The following MTCL2 variants were observed in gnomAD, a reference collection of about 807,000 sequenced individuals.
The protein encoded by MTCL2 is microtubule cross-linking factor 2.
At chr20:36,821,384 C>T in the MTCL2 span, among the ~76,000 whole-genome samples, 5 of 151,910 alleles carry the variant, frequency 3.3e-5, no homozygotes, top group African/African-American at 9.7e-5. Flanking sequence ...AAAAATTAGC[C>T]GGGCATGGTG....
At chr20:36,805,763 A>G in the MTCL2 span, 1 of 1,145,012 alleles carries the variant, frequency 8.7e-7, no homozygotes. Flanking sequence ...ATGTCCAGGA[A>G]TGGGGTCAGA....
chr20:36,796,416 T>C, the MTCL2 span, among the ~76,000 whole-genome samples: 3 of 152,176 alleles, frequency 2.0e-5, no homozygotes, highest in East Asian at 5.8e-4. Context: ...CCCTGACTCC[T>C]TTCATGGGTT....
At chr20:36,825,659 C>T in the MTCL2 span, among the ~76,000 whole-genome samples, 2,037 of 152,312 alleles carry the variant, frequency 0.013, 45 homozygotes, top group African/African-American at 0.047. Context: ...GACAGCACCA[C>T]CTCGGCAGCC....
chr20:36,818,944 T>C, the MTCL2 span, among the ~76,000 whole-genome samples: 1 of 152,346 alleles, frequency 6.6e-6, no homozygotes, highest in Non-Finnish European at 1.5e-5. Context: ...AGGCACATGA[T>C]GATATTCAAC....
the MTCL2 span, among the ~76,000 whole-genome samples, chr20:36,801,972 T>A: frequency 1.4e-5 from 2 of 146,958 alleles, no homozygotes; most frequent in African/African-American, 2.5e-5. Flanking sequence ...AAAGAAAAAA[T>A]AAATAAATAA....
the MTCL2 span, chr20:36,783,701 G>A: frequency 3.2e-6 from 3 of 936,330 alleles, no homozygotes; most frequent in Non-Finnish European, 3.8e-6. Flanking sequence ...CCCCACTGTG[G>A]GTCAGGCAGT....
At chr20:36,788,108 G>GGCGGTCT in the MTCL2 span, among the ~76,000 whole-genome samples, 3 of 150,210 alleles carry the variant, frequency 2.0e-5, no homozygotes, top group African/African-American at 7.4e-5. Flanking sequence ...GACCGAAGCA[G>GGCGGTCT]CAGAACGGCT....
the MTCL2 span, chr20:36,815,249 T>C: frequency 6.2e-7 from 1 of 1,614,028 alleles, no homozygotes; most frequent in Non-Finnish European, 8.5e-7. This position sits in a 1 kb window ranked among gnomAD's most constrained non-coding sequence, Gnocchi z 5.3. Flanking sequence ...GGACTGCATC[T>C]GCCTTCCGCG....
the MTCL2 span, among the ~76,000 whole-genome samples, chr20:36,801,042 T>C: frequency 1.3e-5 from 2 of 152,012 alleles, no homozygotes; most frequent in Admixed American, 6.6e-5. Flanking sequence ...AACTTGAACT[T>C]TTTTTTTCTT....
At chr20:36,857,343 C>T in the MTCL2 span, among the ~76,000 whole-genome samples, 2 of 151,886 alleles carry the variant, frequency 1.3e-5, no homozygotes, top group South Asian at 2.1e-4. Flanking sequence ...GTGATGTGTG[C>T]GTGTGATAGA....
the MTCL2 span, among the ~76,000 whole-genome samples, chr20:36,801,573 A>C: frequency 2.3e-4 from 35 of 151,746 alleles, no homozygotes; most frequent in African/African-American, 6.8e-4. Flanking sequence ...ACTTTTTTTC[A>C]TTAAAAAAAA....
the MTCL2 span, chr20:36,793,478 A>G: frequency 1.3e-6 from 2 of 1,551,494 alleles, no homozygotes; most frequent in Non-Finnish European, 1.7e-6. The surrounding 1 kb of genome is among the most constrained non-coding windows in gnomAD (Gnocchi z 6.8). Flanking sequence ...CCGGCCACAC[A>G]CATTACGGAA....
At chr20:36,860,868 C>T in the MTCL2 span, among the ~76,000 whole-genome samples, 8 of 152,182 alleles carry the variant, frequency 5.3e-5, no homozygotes, top group African/African-American at 1.9e-4. Flanking sequence ...CCATCTTGGC[C>T]CAAACGTGGG....
the MTCL2 span, chr20:36,796,910 C>A: frequency 6.2e-7 from 1 of 1,613,972 alleles, no homozygotes; most frequent in Admixed American, 1.7e-5. Flanking sequence ...CCAAGCTCAA[C>A]TTCGGAAACA....
the MTCL2 span, chr20:36,863,252 G>A: frequency 1.1e-5 from 13 of 1,197,058 alleles, no homozygotes; most frequent in East Asian, 4.6e-4. The surrounding 1 kb of genome is among the most constrained non-coding windows in gnomAD (Gnocchi z 6.2). Context: ...ACGGCGCGCG[G>A]TGGCTCTTTT....
the MTCL2 span, among the ~76,000 whole-genome samples, chr20:36,805,169 T>A: frequency 8.5e-5 from 13 of 152,294 alleles, no homozygotes; most frequent in East Asian, 2.5e-3. Context: ...CTGAGCTGAA[T>A]CATCTGGCTT....
the MTCL2 span, among the ~76,000 whole-genome samples, chr20:36,849,221 T>C: frequency 6.7e-6 from 1 of 150,108 alleles, no homozygotes; most frequent in East Asian, 2.0e-4. Flanking sequence ...AGCACCACGC[T>C]TGGCTAATTT....
At chr20:36,837,908 T>C in the MTCL2 span, among the ~76,000 whole-genome samples, 2 of 152,170 alleles carry the variant, frequency 1.3e-5, no homozygotes, top group African/African-American at 4.8e-5. Flanking sequence ...CATATAACCC[T>C]GTGAGATAGA....
chr20:36,798,982 T>C, the MTCL2 span, among the ~76,000 whole-genome samples: 5 of 152,214 alleles, frequency 3.3e-5, no homozygotes, highest in Admixed American at 3.3e-4. Context: ...GTTGGTCACC[T>C]TACTTGTACT....
Sources: gnomAD v4.1 joint callset for allele counts (sites outside exome capture counted in the v4.1 genomes callset) on GRCh38, gnomAD v4.1.1 for gene constraint, Gnocchi (gnomAD v3.1) non-coding constraint, MANE v1.5 for transcripts, NCBI Gene and HGNC (gene_info 2026-07-23, HGNC 2026-07-21) for gene names.